The following CSMD3 variants were observed in gnomAD, a reference collection of about 807,000 sequenced individuals.
CSMD3 encodes CUB and sushi domain-containing protein 3.
In CSMD3, 177 loss-of-function variants were observed where a neutral mutation model predicts 435.2. The ratio of observed to expected loss-of-function variants is 0.41; its 90% confidence interval spans 0.36 to 0.46. The LOEUF (loss-of-function observed/expected upper bound fraction) is 0.46. Ranked by LOEUF, CSMD3 falls within the 20% of genes least tolerant of loss-of-function variation. The probability of loss-of-function intolerance (pLI) is 0.34; values close to 1 mark genes in which losing one functional copy is unlikely to be tolerated. For missense variants in CSMD3, 4,265 were observed against 4,504.6 expected (o/e 0.95, Z 1.52); for synonymous variants, 1,656 against 1,520.5 (o/e 1.09, Z -2.07).
intron 33 of CSMD3, 30 bp downstream of exon 33, chr8:112,408,889 C>A (rs1485669704): frequency 1.2e-6 from 2 of 1,612,886 alleles, no homozygotes; most frequent in Non-Finnish European, 1.7e-6. Flanking sequence ...TAATCAGTAA[C>A]TGATGCATGG....
chr8:113,212,295 T>A (rs1232899408), intron 3 of CSMD3, among the ~76,000 whole-genome samples: 2 of 152,154 alleles, frequency 1.3e-5, no homozygotes, highest in Non-Finnish European at 1.5e-5. Flanking sequence ...CATATTCACA[T>A]AAAGAATGAG....
intron 27 of CSMD3, among the ~76,000 whole-genome samples, chr8:112,540,030 A>G (rs1464088658): frequency 6.6e-6 from 1 of 152,036 alleles, no homozygotes. Flanking sequence ...CAGAATATAT[A>G]AGGAACTAAA....
intron 2 of CSMD3, among the ~76,000 whole-genome samples, chr8:113,296,815 G>A (rs912938703): frequency 3.3e-5 from 5 of 152,088 alleles, no homozygotes; most frequent in African/African-American, 4.8e-5. Flanking sequence ...TCTCTAATTC[G>A]TAGTTCCAAA....
intron 3 of CSMD3, among the ~76,000 whole-genome samples, chr8:113,178,717 A>T (rs2092382489): frequency 6.6e-6 from 1 of 151,912 alleles, no homozygotes; most frequent in African/African-American, 2.4e-5. Flanking sequence ...GAACAAGTAT[A>T]TTTGAAATAG....
chr8:113,180,825 G>C (rs1442075782), intron 3 of CSMD3, among the ~76,000 whole-genome samples: 1 of 151,908 alleles, frequency 6.6e-6, no homozygotes, highest in Admixed American at 6.6e-5. Flanking sequence ...CTGTTTCTAT[G>C]TGAAAATCCA....
At chr8:113,076,104 T>A (rs1268394102) in intron 5 of CSMD3, among the ~76,000 whole-genome samples, 5 of 151,712 alleles carry the variant, frequency 3.3e-5, no homozygotes, top group African/African-American at 9.7e-5. Flanking sequence ...TGAAATGAAC[T>A]GTAAATTCAT....
chr8:112,553,717 G>GATT lies in CSMD3; in HGVS notation c.4235-1000_4235-998dup, dbSNP rs143251740. Among the ~76,000 whole-genome samples, 1,073 of 151,696 alleles carry GATT rather than the reference G, an allele frequency of 7.1e-3. 2 individuals carry two copies. The highest frequency in any genetic ancestry group is 9.9e-3 in the Non-Finnish European group (670 of 67,842). ...TAACTGAATTAAACTTTTTATTTTT[G>GATT]ATTATTATTATTATTAGACCAAAGA... On this transcript the variant is annotated intron_variant, in intron 25 of 70. Transcript: ENST00000297405.
At chr8:113,138,662 G>A (rs759586859) in intron 4 of CSMD3, among the ~76,000 whole-genome samples, 1 of 151,250 alleles carries the variant, frequency 6.6e-6, no homozygotes, top group Non-Finnish European at 1.5e-5. Flanking sequence ...TTGTGTTATC[G>A]TGATGGGATT....
rs896710973 is a variant in CSMD3 at position 112,537,675 on chromosome 8, T to C, written c.4564+12996A>G. On this transcript the variant is annotated intron_variant, in intron 27 of 70. Coordinates refer to ENST00000297405, the MANE Select transcript of CSMD3 (RefSeq NM_198123.2). Reference sequence around the variant, plus strand: ...ACATAAATCTACCAAAATTGATCCATGAAGAAATAGAAAACTTGAGCAGAC... The same window carrying C: ...ACATAAATCTACCAAAATTGATCCACGAAGAAATAGAAAACTTGAGCAGAC... Among the ~76,000 whole-genome samples the C allele has an allele frequency of 2.6e-5, 4 of 151,242 alleles. 1 individual carries two copies. The South Asian group carries it at 8.3e-4, about 31-fold the overall frequency.
Position 113,410,742 on chromosome 8 carries a change from A to G in CSMD3, c.178+25935T>C, listed in dbSNP as rs1465333670. ...CTTAGTGAGACCTCATCTGTACTGG[A>G]AAAAAAAAAAAAAAATGCCAGGCAG... On this transcript the variant is annotated intron_variant, in intron 1 of 70. Coordinates refer to ENST00000297405, the MANE Select transcript of CSMD3 (RefSeq NM_198123.2). 2.9e-3 allele frequency among the ~76,000 whole-genome samples: 25 copies of G among 8,718 alleles called. No individual in the cohort carries two copies. In the African/African-American group the frequency reaches 0.041, roughly 14 times the overall value. The allele number at this position is 8,718 out of a possible 152,430, so 5.7% of individuals were successfully genotyped here. A position where few individuals can be genotyped will look rare whatever the true frequency, so the allele number is the denominator to read the frequency against.
intron 31 of CSMD3, among the ~76,000 whole-genome samples, chr8:112,484,079 T>A (rs1367091400): frequency 6.6e-6 from 1 of 152,202 alleles, no homozygotes. Flanking sequence ...TAGCATTGGC[T>A]GTTATTCCAC....
chr8:112,690,590 C>G (rs917329902), intron 13 of CSMD3, among the ~76,000 whole-genome samples: 17 of 144,152 alleles, frequency 1.2e-4, no homozygotes, highest in East Asian at 4.1e-4. Context: ...CAACTAGACC[C>G]CCCCCCCCAA....
At position 112,377,348 on chromosome 8, in the gene CSMD3, A is replaced by G. The variant is rs1471194278; in HGVS notation, c.6136+3004T>C. Among the ~76,000 whole-genome samples the G allele has an allele frequency of 2.6e-5, 4 of 152,134 alleles. No individual in the cohort carries two copies. The East Asian group carries it at 7.7e-4, about 29-fold the overall frequency. Reference sequence around the variant, plus strand: ...GACCCATAACTAGTGAAAAGATTGAATCAGTTAACAAAATCCTCCCAACAA... The same window carrying G: ...GACCCATAACTAGTGAAAAGATTGAGTCAGTTAACAAAATCCTCCCAACAA... On this transcript the variant is annotated intron_variant, in intron 38 of 70. Transcript: ENST00000297405.
At chr8:112,244,311 AT>A in intron 65 of CSMD3, 82 bp downstream of exon 65, 2 of 1,193,160 alleles carry the variant, frequency 1.7e-6, no homozygotes, top group South Asian at 2.5e-5. Context: ...TCCTATGCTA[AT>A]TTGAGTTGAG....
chr8:112,425,043 C>T (rs1367464133), intron 32 of CSMD3, among the ~76,000 whole-genome samples: 1 of 152,116 alleles, frequency 6.6e-6, no homozygotes, highest in Non-Finnish European at 1.5e-5. Flanking sequence ...ATCAGTTATT[C>T]TGAATAAGTA....
intron 11 of CSMD3, among the ~76,000 whole-genome samples, chr8:112,843,681 G>A (rs1174035440): frequency 2.6e-5 from 4 of 151,718 alleles, no homozygotes; most frequent in Admixed American, 6.6e-5. Flanking sequence ...ACTGGGAATG[G>A]ACCTCAGCTA....
rs374598296 is a variant in CSMD3 at position 112,530,519 on chromosome 8, A to G, written c.4565-13294T>C. Among the ~76,000 whole-genome samples the G allele has an allele frequency of 7.9e-5, 12 of 152,290 alleles. No individual in the cohort carries two copies. In the East Asian group the frequency reaches 2.3e-3, roughly 29 times the overall value. On this transcript the variant is annotated intron_variant, in intron 27 of 70. Transcript: ENST00000297405. ...GATGGTATATTTAAAATGTGGAAAG[A>G]AAAAATAGCCTGCCACCATACACGG...
intron 17 of CSMD3, among the ~76,000 whole-genome samples, chr8:112,661,169 T>C (rs2075371029): frequency 6.6e-6 from 1 of 152,104 alleles, no homozygotes; most frequent in Non-Finnish European, 1.5e-5. Flanking sequence ...AGTGGCAGAG[T>C]AAAACGTGCT....
intron 22 of CSMD3, among the ~76,000 whole-genome samples, chr8:112,623,742 T>G (rs1381938347): frequency 6.6e-6 from 1 of 151,560 alleles, no homozygotes; most frequent in African/African-American, 2.4e-5. Flanking sequence ...ATTGATTTAA[T>G]TTTTGTTGAA....
Sources: allele counts gnomAD v4.1 joint callset (sites outside exome capture counted in the v4.1 genomes callset), GRCh38; gene constraint gnomAD v4.1.1; transcripts MANE v1.5; gene names NCBI Gene and HGNC (gene_info 2026-07-23, HGNC 2026-07-21).